Variants in DLGAP2 observed in about 807,000 individuals in gnomAD.
The protein encoded by DLGAP2 is disks large-associated protein 2.
Under a neutral mutation model 100.3 loss-of-function variants are expected in DLGAP2, and 26 were observed. That is an observed-to-expected ratio of 0.26 (90% CI 0.19 to 0.36). DLGAP2 has a LOEUF of 0.36. Among genes scored for constraint, DLGAP2 ranks in the 10% least tolerant of loss-of-function variants. The pLI is 1.00. For synonymous variants in DLGAP2, 886 were observed against 630.1 expected (o/e 1.41, Z -6.08); for missense variants, 1,858 against 1,453.2 (o/e 1.28, Z -4.53).
At chr8:1,071,637 C>T (rs1172798475) in intron 2 of DLGAP2, among the ~76,000 whole-genome samples, 1 of 152,214 alleles carries the variant, frequency 6.6e-6, no homozygotes, top group Non-Finnish European at 1.5e-5. Context: ...TTTAGTGATA[C>T]CGATTTTTAA....
chr8:1,126,666 C>T (rs961192783), intron 2 of DLGAP2, among the ~76,000 whole-genome samples: 9 of 152,068 alleles, frequency 5.9e-5, no homozygotes, highest in Non-Finnish European at 1.0e-4. Flanking sequence ...GGGCGGTGCT[C>T]TGCTGCTGAG....
chr8:1,662,937 GGT>G (rs61593968), intron 8 of DLGAP2, among the ~76,000 whole-genome samples: 11 of 148,424 alleles, frequency 7.4e-5, no homozygotes, highest in Admixed American at 3.4e-4. Context: ...CGTAGTGTGG[GGT>G]GTGTGTGTGT....
chr8:1,555,253 T>C (rs1010376021), intron 5 of DLGAP2, among the ~76,000 whole-genome samples: 1 of 152,158 alleles, frequency 6.6e-6, no homozygotes, highest in Non-Finnish European at 1.5e-5. Flanking sequence ...TCTGGATCTC[T>C]CCTGCACTGA....
At chr8:1,176,104 C>G (rs140718262) in intron 2 of DLGAP2, among the ~76,000 whole-genome samples, 109 of 152,278 alleles carry the variant, frequency 7.2e-4, no homozygotes, top group African/African-American at 2.4e-3. Context: ...AGAGGTTTAA[C>G]TGACTCACAG....
chr8:769,229 TAAGA>T, intron 1 of DLGAP2, among the ~76,000 whole-genome samples: 6 of 152,166 alleles, frequency 3.9e-5, no homozygotes, highest in Admixed American at 3.9e-4. Flanking sequence ...GTTAAGAGAC[TAAGA>T]CATGAAGGCA....
intron 2 of DLGAP2, among the ~76,000 whole-genome samples, chr8:1,160,700 C>T (rs1190966376): frequency 2.6e-5 from 4 of 152,232 alleles, no homozygotes; most frequent in African/African-American, 9.6e-5. Context: ...AGTGCGGACC[C>T]TAACATCAGC....
intron 8 of DLGAP2, among the ~76,000 whole-genome samples, chr8:1,644,248 A>C (rs1433449954): frequency 4.6e-5 from 7 of 152,170 alleles, no homozygotes; most frequent in African/African-American, 1.7e-4. Context: ...CTTGCTAAAA[A>C]GGCAGCCTGA....
chr8:753,936 A>G (rs1820856233), intron 1 of DLGAP2: 1 of 152,208 alleles, frequency 6.6e-6, no homozygotes, highest in South Asian at 2.1e-4. Context: ...CGGCCCCACC[A>G]CGGGCCGACC....
intron 4 of DLGAP2, among the ~76,000 whole-genome samples, chr8:1,515,556 G>A (rs781658405): frequency 6.6e-6 from 1 of 151,450 alleles, no homozygotes; most frequent in Non-Finnish European, 1.5e-5. Flanking sequence ...ACACAAACAC[G>A]AGCAGACATG....
At chr8:1,224,452 A>C (rs553260668) in intron 2 of DLGAP2, among the ~76,000 whole-genome samples, 2 of 152,344 alleles carry the variant, frequency 1.3e-5, no homozygotes, top group South Asian at 4.1e-4. Context: ...TTTTAAAGGT[A>C]CTTTCACATT....
intron 2 of DLGAP2, among the ~76,000 whole-genome samples, chr8:1,229,030 A>G (rs1798479949): frequency 6.6e-6 from 1 of 152,208 alleles, no homozygotes; most frequent in South Asian, 2.1e-4. Flanking sequence ...AAATATTTAG[A>G]AATTTCCTAA....
rs1301460142 is a variant in DLGAP2 at position 761,208 on chromosome 8, G to T, written c.18+23383G>T. Among the ~76,000 whole-genome samples, 13 of 152,184 alleles carry T rather than the reference G, an allele frequency of 8.5e-5. No homozygotes were observed. In the East Asian group the frequency reaches 2.5e-3, roughly 30 times the overall value. On this transcript the variant is annotated intron_variant, in intron 1 of 14. Transcript: ENST00000637795. ...TCCCCCCCACTTTACTTTCTCCTCT[G>T]CTCCCTTCCTCTCCAGTTCCCAGTG...
intron 3 of DLGAP2, among the ~76,000 whole-genome samples, chr8:1,278,390 G>A (rs759876308): frequency 3.9e-5 from 6 of 152,212 alleles, no homozygotes; most frequent in South Asian, 2.1e-4. Context: ...TCGTGAGCCT[G>A]GTCATTACTC....
chr8:1,094,470 A>G (rs1246550067), intron 2 of DLGAP2, among the ~76,000 whole-genome samples: 1 of 152,236 alleles, frequency 6.6e-6, no homozygotes, highest in Non-Finnish European at 1.5e-5. Context: ...CTGGGTGAAG[A>G]AAAAGAAACA....
chr8:911,263 G>T (rs1798478909), intron 2 of DLGAP2, among the ~76,000 whole-genome samples: 1 of 152,186 alleles, frequency 6.6e-6, no homozygotes, highest in African/African-American at 2.4e-5. Context: ...CTGTTTCTTA[G>T]GATGCGTGTG....
chr8:1,193,616 C>T (rs79451802), intron 2 of DLGAP2, among the ~76,000 whole-genome samples: 4,289 of 152,256 alleles, frequency 0.028, 100 homozygotes, highest in Non-Finnish European at 0.048. Context: ...ATCTGTGTGT[C>T]CGCTGGTGGA....
intron 1 of DLGAP2, among the ~76,000 whole-genome samples, chr8:838,619 CA>C (rs1381031166): frequency 6.6e-6 from 1 of 150,788 alleles, no homozygotes; most frequent in East Asian, 1.9e-4. Context: ...TCAGGGACAC[CA>C]AAAAAAGGGA....
At chr8:1,588,738 TAAAAAAA>T (rs11358700) in intron 6 of DLGAP2, among the ~76,000 whole-genome samples, 1,299 of 91,466 alleles carry the variant, frequency 0.014, 14 homozygotes, top group Non-Finnish European at 0.019. Context: ...CTGTCTTTAC[TAAAAAAA>T]AAAAAAAAAA....
chr8:1,174,430 C>T (rs1286482301), intron 2 of DLGAP2, among the ~76,000 whole-genome samples: 3 of 151,924 alleles, frequency 2.0e-5, no homozygotes, highest in Admixed American at 1.3e-4. Flanking sequence ...TTACCATTAC[C>T]ACCATCATTG....
Sources: allele counts gnomAD v4.1 joint callset (sites outside exome capture counted in the v4.1 genomes callset), GRCh38; gene constraint gnomAD v4.1.1; transcripts MANE v1.5; gene names NCBI Gene and HGNC (gene_info 2026-07-23, HGNC 2026-07-21).